The following GNA14 variants were observed in gnomAD, a reference collection of about 807,000 sequenced individuals.
GNA14 encodes G protein subunit alpha 14.
In GNA14, 50 loss-of-function variants were observed where a neutral mutation model predicts 42.0. The observed-to-expected ratio is 1.19, with a 90% CI of 0.95 to 1.51. The LOEUF (loss-of-function observed/expected upper bound fraction) is 1.51. GNA14 is among the 40% of genes most tolerant of loss of function. The pLI is 0.00. For missense variants in GNA14, 473 were observed against 446.2 expected, an observed-to-expected ratio of 1.06 and a Z score of -0.54; for synonymous variants, 173 against 163.1, an observed-to-expected ratio of 1.06 and a Z score of -0.46.
intron 1 of GNA14, 48 bp from the exon 2 acceptor site, chr9:77,529,301 A>T: frequency 7.0e-7 from 1 of 1,438,350 alleles, no homozygotes; most frequent in Non-Finnish European, 9.8e-7. Context: ...CTTCCAAAGG[A>T]ACACACGAAG....
chr9:77,484,443 C>T (rs374893408), intron 2 of GNA14, among the ~76,000 whole-genome samples: 45 of 149,634 alleles, frequency 3.0e-4, no homozygotes, highest in South Asian at 2.9e-3. Flanking sequence ...AAGTGATAAA[C>T]GATTTCATCA....
intron 1 of GNA14, among the ~76,000 whole-genome samples, chr9:77,634,288 T>G (rs1824143128): frequency 6.6e-6 from 1 of 151,764 alleles, no homozygotes; most frequent in Admixed American, 6.6e-5. Context: ...GGCATACTGA[T>G]GCACCTGCAG....
At chr9:77,609,713 C>T (rs548725481) in intron 1 of GNA14, among the ~76,000 whole-genome samples, 1 of 152,306 alleles carries the variant, frequency 6.6e-6, no homozygotes, top group African/African-American at 2.4e-5. Context: ...GCCATCACGC[C>T]TTATTGCTGT....
In GNA14 at chr9:77,423,955, T is replaced by C. The variant is rs753213108; in HGVS notation, c.*24A>G. 9.8e-6 allele frequency: 15 copies of C among 1,526,908 alleles called. No homozygotes were observed. Among genetic ancestry groups the C allele is most frequent in the South Asian group, 2.5e-5 (2 of 78,706 alleles). The allele number at this position is 1,526,908 out of a possible 1,614,324, so 94.6% of individuals were successfully genotyped here. On this transcript the variant is annotated 3_prime_UTR_variant, in exon 7 of 7. Transcript: ENST00000341700. ...AGTTTGCAAATCACATCTTCTGTTA[T>C]AGGGGAGGAGTGGGCAGCAGCTTTT...
intron 2 of GNA14, among the ~76,000 whole-genome samples, chr9:77,434,948 G>C (rs1835618775): frequency 6.6e-6 from 1 of 150,900 alleles, no homozygotes; most frequent in Admixed American, 6.6e-5. Flanking sequence ...TTGGGTGGTA[G>C]AAACTGGTCC....
intron 2 of GNA14, among the ~76,000 whole-genome samples, chr9:77,522,596 C>G (rs1283175935): frequency 6.6e-6 from 1 of 152,184 alleles, no homozygotes; most frequent in Admixed American, 6.5e-5. Context: ...AATTGAACCC[C>G]TTCAAATTAT....
At chr9:77,558,940 AC>A (rs1305564702) in intron 1 of GNA14, among the ~76,000 whole-genome samples, 8 of 151,636 alleles carry the variant, frequency 5.3e-5, no homozygotes, top group Non-Finnish European at 7.4e-5. Context: ...AAAAAAAAAA[AC>A]AAAAAACAAA....
At chr9:77,440,193 G>A (rs1354225343) in intron 2 of GNA14, among the ~76,000 whole-genome samples, 1 of 152,240 alleles carries the variant, frequency 6.6e-6, no homozygotes, top group East Asian at 1.9e-4. Context: ...AGGGAAACCT[G>A]GAAAACAGAT....
intron 2 of GNA14, among the ~76,000 whole-genome samples, chr9:77,451,078 G>T (rs1324672330): frequency 1.3e-5 from 2 of 152,082 alleles, no homozygotes; most frequent in African/African-American, 4.8e-5. Flanking sequence ...GACTAATACG[G>T]CATCTGAGTA....
At chr9:77,607,395 C>T (rs1402589464) in intron 1 of GNA14, among the ~76,000 whole-genome samples, 2 of 152,160 alleles carry the variant, frequency 1.3e-5, no homozygotes, top group African/African-American at 4.8e-5. Flanking sequence ...GATGGAACCA[C>T]TGTTTGAGTC....
chr9:77,584,168 G>A (rs1176624042), intron 1 of GNA14, among the ~76,000 whole-genome samples: 1 of 152,144 alleles, frequency 6.6e-6, no homozygotes, highest in Admixed American at 6.5e-5. Context: ...ACAGTGCCAA[G>A]AAACTGCGAA....
intron 1 of GNA14, among the ~76,000 whole-genome samples, chr9:77,610,226 TC>T (rs1235534357): frequency 6.6e-6 from 1 of 152,124 alleles, no homozygotes; most frequent in Non-Finnish European, 1.5e-5. Context: ...ATTACCTACA[TC>T]CCCCACCTCC....
intron 2 of GNA14, among the ~76,000 whole-genome samples, chr9:77,451,908 C>T (rs553869370): frequency 6.6e-5 from 10 of 152,304 alleles, no homozygotes; most frequent in East Asian, 5.8e-4. Context: ...AGCAACCAGA[C>T]GAGCACAGGT....
At position 77,572,496 on chromosome 9, in the gene GNA14, C is replaced by A. The variant is rs555286120; in HGVS notation, c.125-43243G>T. Among the ~76,000 whole-genome samples, 5 of 152,230 alleles carry A rather than the reference C, an allele frequency of 3.3e-5. No individual in the cohort carries two copies. In the South Asian group the frequency reaches 1.0e-3, roughly 32 times the overall value. ...TAAAAAGACACAAATTCCAAATTGGCCCCAAAAGGTATTTTAGAAGAGAAG... is the reference window on the plus strand; with the variant it reads ...TAAAAAGACACAAATTCCAAATTGGACCCAAAAGGTATTTTAGAAGAGAAG... On this transcript the variant is annotated intron_variant, in intron 1 of 6. Transcript: ENST00000341700.
chr9:77,479,266 T>C (rs954805701), intron 2 of GNA14, among the ~76,000 whole-genome samples: 4 of 152,236 alleles, frequency 2.6e-5, no homozygotes, highest in Non-Finnish European at 5.9e-5. Context: ...CCAGCACCAT[T>C]TGTTAAACAG....
At chr9:77,647,220 AG>A (rs1824370588) in intron 1 of GNA14, among the ~76,000 whole-genome samples, 1 of 152,230 alleles carries the variant, frequency 6.6e-6, no homozygotes, top group African/African-American at 2.4e-5. Flanking sequence ...GATGCCCTTA[AG>A]AACTTAGCAC....
chr9:77,455,405 G>A (rs907860913), intron 2 of GNA14, among the ~76,000 whole-genome samples: 5 of 152,212 alleles, frequency 3.3e-5, no homozygotes, highest in African/African-American at 7.2e-5. Context: ...TCATTACATC[G>A]GGACTTCACT....
At chr9:77,448,141 T>C (rs1172603862) in intron 2 of GNA14, among the ~76,000 whole-genome samples, 1 of 152,184 alleles carries the variant, frequency 6.6e-6, no homozygotes, top group East Asian at 1.9e-4. Flanking sequence ...CTGCCTGCTT[T>C]CAAACCTGCA....
intron 1 of GNA14, among the ~76,000 whole-genome samples, chr9:77,620,848 CAAAAAAA>C (rs35141766): frequency 1.4e-4 from 10 of 74,042 alleles, no homozygotes; most frequent in South Asian, 4.8e-4. Flanking sequence ...AATCTTGTCT[CAAAAAAA>C]AAAAAAAAAA....
Sources: gnomAD v4.1 joint callset for allele counts (sites outside exome capture counted in the v4.1 genomes callset) on GRCh38, gnomAD v4.1.1 for gene constraint, MANE v1.5 for transcripts, NCBI Gene and HGNC (gene_info 2026-07-23, HGNC 2026-07-21) for gene names.